Variants in MRPL17 observed in about 807,000 individuals in gnomAD.
The protein encoded by MRPL17 is large ribosomal subunit protein bL17m.
Under a neutral mutation model 12.0 loss-of-function variants are expected in MRPL17, and 8 were observed. The ratio of observed to expected loss-of-function variants is 0.67; its 90% CI spans 0.39 to 1.21. The LOEUF is 1.21. MRPL17 is among the 50% of genes most tolerant of loss of function. The pLI, the probability that MRPL17 is intolerant of heterozygous loss-of-function variation, is 0.01. For synonymous variants in MRPL17, 107 were observed against 92.9 expected, an observed-to-expected ratio of 1.15 and a Z score of -0.87; for missense variants, 263 against 234.4, an observed-to-expected ratio of 1.12 and a Z score of -0.80.
At chr11:6,683,102 C>T in intron 1 of MRPL17, 21 bp downstream of exon 1, 1 of 1,608,592 alleles carries the variant, frequency 6.2e-7, no homozygotes, top group Non-Finnish European at 8.5e-7. Flanking sequence ...GCAGAGTGGA[C>T]AAGAGGGCCG....
chr11:6,683,273 C>A lies in MRPL17; in HGVS notation c.24G>T (p.Ala8=), dbSNP rs368378363. 83 of 1,613,256 alleles carry A rather than the reference C, an allele frequency of 5.1e-5. No individual in the cohort carries two copies. In the African/African-American group the frequency reaches 9.5e-4, roughly 18 times the overall value. The change falls in exon 1 of 3, where the codon GCG becomes GCT. Residue 8 remains alanine (A), a synonymous_variant. Transcript: ENST00000288937. ...GGCGAAATACGCGGCCATGGGAGAT[C>A]GCTGCAGCGACCGACAGCCGCATGT... MRLSVAA[A]ISHGRVFRRM...
At chr11:6,683,075 C>T in intron 1 of MRPL17, 48 bp downstream of exon 1, 1 of 1,572,568 alleles carries the variant, frequency 6.4e-7, no homozygotes. Flanking sequence ...CCGGCTCCGC[C>T]CCCTCAGACC....
chr11:6,682,205 C>G lies in MRPL17; in HGVS notation c.441G>C (p.Gln147His). The G allele has an allele frequency of 6.2e-7, 1 of 1,614,172 alleles. No individual in the cohort carries two copies. The highest frequency in any genetic ancestry group is 8.5e-7 in the Non-Finnish European group (1 of 1,180,030). The change falls in exon 3 of 3, where the codon CAG becomes CAC. Residue 147 changes from glutamine to histidine, a missense_variant. Transcript: ENST00000288937. ...RRDSHLTLLN[Q>H]LLQGLRQDLR... ...GGTCCTGCCGCAAACCCTGCAGCAG[C>G]TGGTTTAGGAGTGTAAGGTGGCTGT...
intron 2 of MRPL17, 72 bp downstream of exon 2, chr11:6,682,675 G>A: frequency 2.1e-6 from 3 of 1,442,868 alleles, no homozygotes; most frequent in Non-Finnish European, 2.9e-6. Context: ...ATTCTGCATA[G>A]TTCTCCTTTT....
In MRPL17 at chr11:6,680,981, A is replaced by C. The variant is rs905638643; in HGVS notation, c.*1137T>G. On this transcript the variant is annotated 3_prime_UTR_variant, in exon 3 of 3. Transcript: ENST00000288937. ...AATAGTTCGTTCTGTCACTGAAGCCATGTCTGCTACACCAGTGATCCCTTT... is the reference window on the plus strand; with the variant it reads ...AATAGTTCGTTCTGTCACTGAAGCCCTGTCTGCTACACCAGTGATCCCTTT... 1 of 152,228 alleles carries C rather than the reference A, an allele frequency of 6.6e-6. No homozygotes were observed. Among genetic ancestry groups the C allele is most frequent in the African/African-American group, 2.4e-5 (1 of 41,438 alleles). The allele number at this position is 152,228 out of a possible 1,614,324, so 9.4% of individuals were successfully genotyped here.
chr11:6,682,014 G>A lies in MRPL17; in HGVS notation c.*104C>T, dbSNP rs2119484727. On this transcript the variant is annotated 3_prime_UTR_variant, in exon 3 of 3. Transcript: ENST00000288937. ...GAAGGTTCTCAACCCCATCAAGACT[G>A]TCCATTTTACATCTCTAGCTCCAGT... The A allele has an allele frequency of 7.1e-7, 1 of 1,417,252 alleles. No homozygotes were observed. Among genetic ancestry groups the A allele is most frequent in the South Asian group, 1.4e-5 (1 of 70,724 alleles). The allele number at this position is 1,417,252 out of a possible 1,614,324, so 87.8% of individuals were successfully genotyped here.
At position 6,680,817 on chromosome 11, in the gene MRPL17, CTACTA is replaced by C. The variant is rs1846556090; in HGVS notation, c.*1296_*1300del. The C allele has an allele frequency of 6.6e-6, 1 of 152,088 alleles. No homozygotes were observed. Among genetic ancestry groups the C allele is most frequent in the East Asian group, 1.9e-4 (1 of 5,194 alleles). The allele number at this position is 152,088 out of a possible 1,614,324, so 9.4% of individuals were successfully genotyped here. ...TTTATTTCATAAATGTTTTGAGTGTCTACTATATTTCATTTAAAATATAAGAGCTT... is the reference window on the plus strand; with the variant it reads ...TTTATTTCATAAATGTTTTGAGTGTCTATTTCATTTAAAATATAAGAGCTT... On this transcript the variant is annotated 3_prime_UTR_variant, in exon 3 of 3. Transcript: ENST00000288937.
At position 6,680,395 on chromosome 11, in the gene MRPL17, A is replaced by G. The variant is rs886222895; in HGVS notation, c.*1723T>C. ...CATGTACTTTTATTTGGACCAAAACATTAAAGGGGAAGCAGTGTCCCTTGA... is the reference window on the plus strand; with the variant it reads ...CATGTACTTTTATTTGGACCAAAACGTTAAAGGGGAAGCAGTGTCCCTTGA... On this transcript the variant is annotated 3_prime_UTR_variant, in exon 3 of 3. Coordinates refer to ENST00000288937, the MANE Select transcript of MRPL17 (RefSeq NM_022061.4). 4.6e-5 allele frequency among the ~76,000 whole-genome samples: 7 copies of G among 152,238 alleles called. No homozygotes were observed. Among genetic ancestry groups the G allele is most frequent in the African/African-American group, 1.7e-4 (7 of 41,474 alleles).
At position 6,683,288 on chromosome 11, in the gene MRPL17, C is replaced by G; in HGVS notation, c.9G>C (p.Leu3=). The G allele has an allele frequency of 1.9e-6, 3 of 1,610,482 alleles. No individual in the cohort carries two copies. The highest frequency in any genetic ancestry group is 2.5e-6 in the Non-Finnish European group (3 of 1,177,302). The change falls in exon 1 of 3, where the codon CTG becomes CTC. Residue 3 remains leucine, a synonymous_variant. Transcript: ENST00000288937. MR[L]SVAAAISHGR... ...CATGGGAGATCGCTGCAGCGACCGA[C>G]AGCCGCATGTTTCCAACTTCTGCCC...
At position 6,682,749 on chromosome 11, in the gene MRPL17, T is replaced by A. The variant is rs1486626257; in HGVS notation, c.241A>T (p.Thr81Ser). 1.2e-6 allele frequency: 2 copies of A among 1,614,166 alleles called. No homozygotes were observed. Among genetic ancestry groups the A allele is most frequent in the South Asian group, 2.2e-5 (2 of 91,084 alleles). The change falls in exon 2 of 3, where the codon ACA becomes TCA. Residue 81 changes from threonine to serine, a missense_variant and splice_region_variant. Physicochemically the swap from Thr to Ser is moderately conservative, Grantham distance 58. Coordinates refer to ENST00000288937, the MANE Select transcript of MRPL17 (RefSeq NM_022061.4). Reference sequence around the variant, plus strand: ...GAAGGCAGATAGGTCGCACTCACTGTGAGCCAGAAGTCAGCCATGCGCATG... The same window carrying A: ...GAAGGCAGATAGGTCGCACTCACTGAGAGCCAGAAGTCAGCCATGCGCATG... The part of the protein sequence containing the change: ...RAMRMADFWL[T>S]EKDLIPKLFQ...
intron 1 of MRPL17, 115 bp downstream of exon 1, chr11:6,683,008 G>A: frequency 7.0e-7 from 1 of 1,432,974 alleles, no homozygotes; most frequent in Non-Finnish European, 9.5e-7. Context: ...AGGTTCTGGG[G>A]GACTCAGACT....
Position 6,682,791 on chromosome 11 carries a change from C to T in MRPL17, c.199G>A (p.Asp67Asn). 6.2e-7 allele frequency: 1 copy of T among 1,614,162 alleles called. No individual in the cohort carries two copies. Among genetic ancestry groups the T allele is most frequent in the Non-Finnish European group, 8.5e-7 (1 of 1,180,018 alleles). Residue 67 changes from aspartate to asparagine, a missense_variant, in exon 2 of 3, where the codon GAC (aspartate) becomes AAC (asparagine). Transcript: ENST00000288937. ...EKLIDYGKLGDTNERAMRMAD... is the reference protein window; with the variant it reads ...EKLIDYGKLGNTNERAMRMAD... ...ATGCGCATGGCTCGTTCGTTAGTGT[C>T]TCCCAGCTTCCCATAGTCGATGAGC... is the stretch of plus-strand genomic sequence containing the variant.
In MRPL17 at chr11:6,683,195, T is replaced by C. The variant is rs780208970; in HGVS notation, c.102A>G (p.Thr34=). The change falls in exon 1 of 3, where the codon ACA becomes ACG. Residue 34 remains threonine, a synonymous_variant. Transcript: ENST00000288937. ...CGATGCGTTCGTGCCGCACCAGCCCTGTGAGCAAGTTCCGCAACAGATGGA... is the reference window on the plus strand; with the variant it reads ...CGATGCGTTCGTGCCGCACCAGCCCCGTGAGCAAGTTCCGCAACAGATGGA... ...SRIHLLRNLL[T]GLVRHERIEA... is the part of the protein sequence containing the mutation. 6.2e-7 allele frequency: 1 copy of C among 1,614,162 alleles called. No homozygotes were observed. The highest frequency in any genetic ancestry group is 8.5e-7 in the Non-Finnish European group (1 of 1,180,022).
Position 6,682,084 on chromosome 11 carries a change from T to C in MRPL17, c.*34A>G. The C allele has an allele frequency of 1.3e-6, 2 of 1,580,960 alleles. No homozygotes were observed. Among genetic ancestry groups the C allele is most frequent in the Non-Finnish European group, 1.7e-6 (2 of 1,160,586 alleles). On this transcript the variant is annotated 3_prime_UTR_variant, in exon 3 of 3. Coordinates refer to ENST00000288937, the MANE Select transcript of MRPL17 (RefSeq NM_022061.4). ...TGCTCCAAAGGCCTGTGATCATGGG[T>C]ACTGATTAAGGGCTGCAGACTCTTC...
chr11:6,682,122 A>G lies in MRPL17; in HGVS notation c.524T>C (p.Ile175Thr). ...CTGCAGACTCTTCAGATCCAGTTAAATCCCTGGTGTTTGAGCTGTGTGGGA... is the reference window on the plus strand; with the variant it reads ...CTGCAGACTCTTCAGATCCAGTTAAGTCCCTGGTGTTTGAGCTGTGTGGGA... Reference protein sequence around the residue: ...HSSHTAQTPGI With the variant: ...HSSHTAQTPGT Residue 175 changes from isoleucine (I) to threonine (T), a missense_variant, in exon 3 of 3, where the codon ATT becomes ACT. Coordinates refer to ENST00000288937, the MANE Select transcript of MRPL17 (RefSeq NM_022061.4). 6.2e-7 allele frequency: 1 copy of G among 1,609,676 alleles called. No homozygotes were observed. The highest frequency in any genetic ancestry group is 2.2e-5 in the East Asian group (1 of 44,732).
At chr11:6,682,579 G>A (rs765268868) in intron 2 of MRPL17, among the ~76,000 whole-genome samples, 168 bp downstream of exon 2, 1 of 152,196 alleles carries the variant, frequency 6.6e-6, no homozygotes, top group Non-Finnish European at 1.5e-5. Flanking sequence ...TTGTGCAGAG[G>A]TATATTCACA....
chr11:6,682,118 T>C lies in MRPL17; in HGVS notation c.528A>G (p.Ter176=), dbSNP rs760354925. Residue 176 remains the stop codon, a stop_retained_variant, in exon 3 of 3, where the codon TAA becomes TAG. Coordinates refer to ENST00000288937, the MANE Select transcript of MRPL17 (RefSeq NM_022061.4). ...SSHTAQTPGI[*] is the part of the protein sequence containing the mutation. ...AGGGCTGCAGACTCTTCAGATCCAG[T>C]TAAATCCCTGGTGTTTGAGCTGTGT... The C allele has an allele frequency of 1.2e-6, 2 of 1,609,058 alleles. No homozygotes were observed.
rs1229223049 is a variant in MRPL17, at chr11:6,681,155, G to A, written c.*963C>T. Reference sequence around the variant, plus strand: ...CACTGCTATCAAGTGTTTGGACCAAGACTGATGGCTCCTTTCTAAGTCCTT... The same window carrying A: ...CACTGCTATCAAGTGTTTGGACCAAAACTGATGGCTCCTTTCTAAGTCCTT... On this transcript the variant is annotated 3_prime_UTR_variant, in exon 3 of 3. Transcript: ENST00000288937. The A allele has an allele frequency of 2.0e-5, 3 of 152,182 alleles. No homozygotes were observed. Among genetic ancestry groups the A allele is most frequent in the Admixed American group, 2.0e-4 (3 of 15,280 alleles). 9.4% of individuals were successfully genotyped at this position (152,182 alleles called of 1,614,324 possible). A position where few individuals can be genotyped will look rare whatever the true frequency, so the allele number is the denominator to read the frequency against.
At position 6,682,036 on chromosome 11, in the gene MRPL17, C is replaced by T; in HGVS notation, c.*82G>A. ...ACTGTCCATTTTACATCTCTAGCTC[C>T]AGTTCTTCTCAGAGAGTAAAAGTGC... On this transcript the variant is annotated 3_prime_UTR_variant, in exon 3 of 3. Coordinates refer to ENST00000288937, the MANE Select transcript of MRPL17 (RefSeq NM_022061.4). 1 of 1,497,864 alleles carries T rather than the reference C, an allele frequency of 6.7e-7. No individual in the cohort carries two copies. The highest frequency in any genetic ancestry group is 2.1e-5 in the Admixed American group (1 of 48,152). 92.8% of individuals were successfully genotyped at this position (1,497,864 alleles called of 1,614,324 possible).
Sources: allele counts gnomAD v4.1 joint callset (sites outside exome capture counted in the v4.1 genomes callset), GRCh38; gene constraint gnomAD v4.1.1; transcripts MANE v1.5; gene names NCBI Gene and HGNC (gene_info 2026-07-23, HGNC 2026-07-21).